Variants in FAM227B observed in about 807,000 individuals in gnomAD.
The protein encoded by FAM227B is family with sequence similarity 227 member B.
Under a neutral mutation model 73.8 loss-of-function variants are expected in FAM227B, and 88 were observed. The observed-to-expected ratio is 1.19, with a 90% CI of 1.00 to 1.42. FAM227B has a LOEUF of 1.42. Ranked by LOEUF, FAM227B falls within the 40% of genes most tolerant of loss-of-function variation. The pLI, the probability that FAM227B is intolerant of heterozygous loss-of-function variation, is 0.00. For missense variants in FAM227B, 632 were observed against 590.9 expected, an observed-to-expected ratio of 1.07 and a Z score of -0.72; for synonymous variants, 210 against 190.5, an observed-to-expected ratio of 1.10 and a Z score of -0.84.
chr15:49,403,805 G>C (rs566168019), intron 11 of FAM227B, among the ~76,000 whole-genome samples: 1 of 151,658 alleles, frequency 6.6e-6, no homozygotes, highest in Non-Finnish European at 1.5e-5. Flanking sequence ...TGCTAGCTTT[G>C]GGGTTGGTTT....
intron 11 of FAM227B, among the ~76,000 whole-genome samples, chr15:49,372,849 A>C (rs2045935587): frequency 6.6e-6 from 1 of 152,116 alleles, no homozygotes. Context: ...ACTTGGGTTG[A>C]TTTTTGACAT....
chr15:49,550,899 C>CAGG (rs1298909095), intron 9 of FAM227B, among the ~76,000 whole-genome samples: 1 of 152,144 alleles, frequency 6.6e-6, no homozygotes, highest in Non-Finnish European at 1.5e-5. Flanking sequence ...GCAGAGGCTG[C>CAGG]AATCTCGGCA....
chr15:49,615,034 A>C, intron 2 of FAM227B, 87 bp downstream of exon 2: 1 of 1,228,390 alleles, frequency 8.1e-7, no homozygotes, highest in Non-Finnish European at 1.2e-6. Flanking sequence ...TGACAAAGCC[A>C]GCTCTACCTG....
intron 3 of FAM227B, among the ~76,000 whole-genome samples, chr15:49,599,050 C>G (rs1003001766): frequency 1.3e-5 from 2 of 152,008 alleles, no homozygotes; most frequent in African/African-American, 4.8e-5. Flanking sequence ...TGGTAGGATT[C>G]ATGAGTAAAG....
intron 9 of FAM227B, among the ~76,000 whole-genome samples, chr15:49,550,430 C>A (rs1282246859): frequency 1.3e-5 from 2 of 151,882 alleles, no homozygotes; most frequent in Non-Finnish European, 2.9e-5. Context: ...GGCGGAGACG[C>A]TCCTCACTTC....
intron 11 of FAM227B, among the ~76,000 whole-genome samples, chr15:49,456,701 T>C (rs1316491162): frequency 6.6e-6 from 1 of 152,076 alleles, no homozygotes; most frequent in Admixed American, 6.6e-5. Flanking sequence ...ATTTTGTGAA[T>C]TTCTGAAAAG....
At chr15:49,415,577 T>G (rs1273641483) in intron 11 of FAM227B, among the ~76,000 whole-genome samples, 1 of 152,184 alleles carries the variant, frequency 6.6e-6, no homozygotes, top group Non-Finnish European at 1.5e-5. Flanking sequence ...GGTCTAAAGT[T>G]GTATCACAAT....
intron 11 of FAM227B, chr15:49,425,239 A>G (rs911590675): frequency 1.3e-5 from 2 of 151,992 alleles, no homozygotes; most frequent in South Asian, 2.1e-4. Context: ...GTTCTGTGCT[A>G]TCTTAAGAAA....
intron 10 of FAM227B, among the ~76,000 whole-genome samples, chr15:49,514,778 G>T (rs2059268596): frequency 1.3e-5 from 2 of 152,112 alleles, no homozygotes; most frequent in East Asian, 1.9e-4. Flanking sequence ...AATTTGTCAA[G>T]ATTTTTCTTT....
intron 5 of FAM227B, among the ~76,000 whole-genome samples, chr15:49,585,296 G>C (rs1476916705): frequency 6.6e-6 from 1 of 152,216 alleles, no homozygotes; most frequent in Non-Finnish European, 1.5e-5. Context: ...ATTCCTCAGA[G>C]ATCTAGAACT....
At chr15:49,429,511 A>G (rs1055236880) in intron 11 of FAM227B, among the ~76,000 whole-genome samples, 1 of 151,922 alleles carries the variant, frequency 6.6e-6, no homozygotes, top group African/African-American at 2.4e-5. Flanking sequence ...CAGCTGTACA[A>G]TAACTCTTTA....
chr15:49,391,378 C>G (rs552855289), intron 11 of FAM227B, among the ~76,000 whole-genome samples: 1 of 152,012 alleles, frequency 6.6e-6, no homozygotes, highest in Non-Finnish European at 1.5e-5. Context: ...TAGCTAGCCT[C>G]GAGAAGTAAA....
chr15:49,357,645 A>C (rs1326552695), intron 13 of FAM227B, among the ~76,000 whole-genome samples: 1 of 150,490 alleles, frequency 6.6e-6, no homozygotes, highest in Non-Finnish European at 1.5e-5. Flanking sequence ...TCACAGCCGA[A>C]TTCTACCAGA....
At chr15:49,525,640 G>T (rs1161045469) in intron 10 of FAM227B, among the ~76,000 whole-genome samples, 1 of 115,208 alleles carries the variant, frequency 8.7e-6, no homozygotes, top group Non-Finnish European at 1.9e-5. Flanking sequence ...CAGATACCTA[G>T]AGACTCAAAG....
chr15:49,503,721 A>G (rs969344453), intron 11 of FAM227B, among the ~76,000 whole-genome samples: 21 of 152,254 alleles, frequency 1.4e-4, no homozygotes, highest in Admixed American at 3.3e-4. Flanking sequence ...CAAAACCACA[A>G]TGAGATACCA....
intron 11 of FAM227B, among the ~76,000 whole-genome samples, chr15:49,410,961 A>T (rs9635334): frequency 0.082 from 9,359 of 114,402 alleles, 405 homozygotes; most frequent in East Asian, 0.21. Context: ...AGCATTTGAG[A>T]GTGTGTGTGT....
chr15:49,615,376 A>G (rs540013057), intron 1 of FAM227B, 133 bp from the exon 2 acceptor site: 59 of 569,460 alleles, frequency 1.0e-4, no homozygotes, highest in African/African-American at 5.1e-4. Context: ...CTCAAATCTC[A>G]TGTTGAACTG....
chr15:49,374,802 C>A (rs1482955162), intron 11 of FAM227B, among the ~76,000 whole-genome samples: 1 of 152,186 alleles, frequency 6.6e-6, no homozygotes, highest in Non-Finnish European at 1.5e-5. Flanking sequence ...CCTTGGCTTC[C>A]CAAAGTGGTA....
At chr15:49,373,831 A>G (rs1309148731) in intron 11 of FAM227B, among the ~76,000 whole-genome samples, 1 of 152,174 alleles carries the variant, frequency 6.6e-6, no homozygotes. Context: ...ATATTAATAC[A>G]ATAATTGACT....
Sources: gnomAD v4.1 joint callset for allele counts (sites outside exome capture counted in the v4.1 genomes callset) on GRCh38, gnomAD v4.1.1 for gene constraint, MANE v1.5 for transcripts, NCBI Gene and HGNC (gene_info 2026-07-23, HGNC 2026-07-21) for gene names.